C8orf34: variants seen among roughly 807,000 people sequenced by gnomAD.
C8orf34 encodes the protein uncharacterized protein C8orf34.
A neutral mutation model predicts 68.3 loss-of-function variants in C8orf34; 65 were observed. The observed-to-expected ratio is 0.95, with a 90% confidence interval of 0.78 to 1.17. The LOEUF (loss-of-function observed/expected upper bound fraction) is 1.17, where lower values mean the gene tolerates loss of function less well. Ranked by LOEUF, C8orf34 falls within the 50% of genes most tolerant of loss-of-function variation. The pLI is 0.00. For synonymous variants in C8orf34, 244 were observed against 241.2 expected (o/e 1.01, Z -0.11); for missense variants, 664 against 655.4 (o/e 1.01, Z -0.14).
At chr8:68,440,809 A>ATT (rs11454498) in intron 2 of C8orf34, among the ~76,000 whole-genome samples, 41,740 of 146,444 alleles carry the variant, frequency 0.29, 5,988 homozygotes, top group South Asian at 0.37. Context: ...TAAACTCTGC[A>ATT]TTTTTTTTTT....
chr8:68,808,572 G>T (rs1473778800), intron 12 of C8orf34, among the ~76,000 whole-genome samples: 4 of 150,378 alleles, frequency 2.7e-5, no homozygotes, highest in Non-Finnish European at 4.4e-5. Context: ...TATATATAAA[G>T]AAATAAAAAA....
chr8:68,419,981 T>C (rs1017086061), intron 1 of C8orf34, among the ~76,000 whole-genome samples: 2 of 68,970 alleles, frequency 2.9e-5, no homozygotes, highest in African/African-American at 1.0e-4. Context: ...AGTATAATAA[T>C]AAAAAAAAAA....
At chr8:68,802,508 G>A (rs969061461) in intron 12 of C8orf34, among the ~76,000 whole-genome samples, 4 of 151,964 alleles carry the variant, frequency 2.6e-5, no homozygotes, top group Non-Finnish European at 5.9e-5. Context: ...ACTTAATTAC[G>A]ATTATTATTT....
chr8:68,665,664 T>C, intron 8 of C8orf34, among the ~76,000 whole-genome samples: 1 of 152,214 alleles, frequency 6.6e-6, no homozygotes, highest in East Asian at 1.9e-4. Context: ...TCTTCATCAC[T>C]TGCTGTTTCT....
chr8:68,790,667 A>C (rs1227385518), intron 12 of C8orf34: 1 of 430,766 alleles, frequency 2.3e-6, no homozygotes, highest in Non-Finnish European at 4.1e-6. Context: ...AAAAAGTATA[A>C]ATTCAAGTGT....
chr8:68,783,989 C>T (rs1306700158), intron 11 of C8orf34, among the ~76,000 whole-genome samples: 1 of 152,062 alleles, frequency 6.6e-6, no homozygotes, highest in Non-Finnish European at 1.5e-5. Flanking sequence ...ATTACTGATA[C>T]TTTATGTTAG....
At position 68,367,912 on chromosome 8, in the gene C8orf34, G is replaced by GAAAAAAAAAAAAAAAAAAAAAAAAAA. The variant is rs61562318; in HGVS notation, c.327+36598_327+36599insAAAAAAAAAAAAAAAAAAAAAAAAAA. ...CCTAAAGTATAATAAAAAAAGAAAA[G>GAAAAAAAAAAAAAAAAAAAAAAAAAA]AAAAAAAAAAAAAAAAAAAAAAAAA... On this transcript the variant is annotated intron_variant, in intron 1 of 13. Coordinates refer to ENST00000518698, the MANE Select transcript of C8orf34 (RefSeq NM_052958.4). Among the ~76,000 whole-genome samples the GAAAAAAAAAAAAAAAAAAAAAAAAAA allele has an allele frequency of 1.6e-4, 13 of 79,116 alleles. No homozygotes were observed. In the South Asian group the frequency reaches 2.1e-3, roughly 13 times the overall value. The allele number at this position is 79,116 out of a possible 152,430, so 51.9% of individuals were successfully genotyped here. A position where few individuals can be genotyped will look rare whatever the true frequency, so the allele number is the denominator to read the frequency against.
intron 8 of C8orf34, among the ~76,000 whole-genome samples, chr8:68,668,220 C>T (rs1819899956): frequency 6.6e-6 from 1 of 152,050 alleles, no homozygotes. Flanking sequence ...TCAAAATTGC[C>T]TTTGGTTCTA....
chr8:68,393,818 C>A (rs1008245935), intron 1 of C8orf34, among the ~76,000 whole-genome samples: 1 of 152,052 alleles, frequency 6.6e-6, no homozygotes, highest in Non-Finnish European at 1.5e-5. Context: ...TTCACAAATA[C>A]ACTCTTGCTT....
chr8:68,746,014 A>G (rs1222580990), intron 10 of C8orf34, among the ~76,000 whole-genome samples: 2 of 152,132 alleles, frequency 1.3e-5, no homozygotes, highest in Non-Finnish European at 2.9e-5. Flanking sequence ...ATGTAAAAGA[A>G]CAGAAATTAT....
intron 8 of C8orf34, among the ~76,000 whole-genome samples, chr8:68,649,044 C>T (rs544793969): frequency 2.7e-4 from 41 of 152,204 alleles, no homozygotes; most frequent in African/African-American, 8.4e-4. Context: ...CTATTTTACA[C>T]GTTTATATTC....
chr8:68,813,063 T>G lies in C8orf34; in HGVS notation c.1550-2823T>G, dbSNP rs187749745. On this transcript the variant is annotated intron_variant, in intron 12 of 13. Transcript: ENST00000518698. The stretch of plus-strand genomic sequence containing the variant: ...TCATGTATTGCCTTAGGTGATTTGT[T>G]TTGCTGTTTCTCTCTGAAAAAACTT... Among the ~76,000 whole-genome samples the G allele has an allele frequency of 1.6e-4, 24 of 152,336 alleles. 1 individual carries two copies. The highest frequency in any genetic ancestry group is 5.8e-4 in the African/African-American group (24 of 41,584).
intron 6 of C8orf34, among the ~76,000 whole-genome samples, chr8:68,523,253 T>G (rs1019912032): frequency 1.4e-4 from 21 of 152,210 alleles, no homozygotes; most frequent in South Asian, 2.1e-4. Flanking sequence ...ACTTTTATCT[T>G]TATTCATTGG....
chr8:68,444,559 T>C (rs1024583432), intron 2 of C8orf34, among the ~76,000 whole-genome samples: 3 of 152,140 alleles, frequency 2.0e-5, no homozygotes, highest in African/African-American at 7.2e-5. Flanking sequence ...ATAGTGTAGG[T>C]GGACTCTTCT....
intron 5 of C8orf34, among the ~76,000 whole-genome samples, chr8:68,511,166 G>T (rs1390831926): frequency 1.3e-5 from 2 of 152,138 alleles, no homozygotes; most frequent in African/African-American, 4.8e-5. Context: ...AAATTTTTTG[G>T]TGCTGCCAAA....
chr8:68,377,262 G>A (rs991175009), intron 1 of C8orf34, among the ~76,000 whole-genome samples: 16 of 152,090 alleles, frequency 1.1e-4, no homozygotes, highest in African/African-American at 3.9e-4. Flanking sequence ...TGGATGTGGT[G>A]GCATGCACCT....
intron 3 of C8orf34, among the ~76,000 whole-genome samples, chr8:68,454,726 T>C (rs1417619229): frequency 6.6e-6 from 1 of 152,020 alleles, no homozygotes; most frequent in Non-Finnish European, 1.5e-5. Context: ...TCTCTATTGT[T>C]TTTCTATATT....
intron 12 of C8orf34, among the ~76,000 whole-genome samples, chr8:68,803,986 T>C (rs1824409204): frequency 6.6e-6 from 1 of 152,178 alleles, no homozygotes; most frequent in African/African-American, 2.4e-5. Context: ...AGAATTTAGT[T>C]TGGTAGTTCG....
intron 8 of C8orf34, among the ~76,000 whole-genome samples, chr8:68,670,536 A>C (rs1242184825): frequency 6.6e-6 from 1 of 152,196 alleles, no homozygotes; most frequent in Non-Finnish European, 1.5e-5. Context: ...ATTCACAGTG[A>C]AGTTCTACCC....
Sources: allele counts gnomAD v4.1 joint callset (sites outside exome capture counted in the v4.1 genomes callset), GRCh38; gene constraint gnomAD v4.1.1; transcripts MANE v1.5; gene names NCBI Gene and HGNC (gene_info 2026-07-23, HGNC 2026-07-21).